RBMS3: variants seen among roughly 807,000 people sequenced by gnomAD.
RBMS3 encodes the protein RNA-binding motif, single-stranded-interacting protein 3.
A neutral mutation model predicts 66.8 loss-of-function variants in RBMS3; 27 were observed. That is an observed-to-expected ratio of 0.40 (90% CI 0.30 to 0.56). The LOEUF (loss-of-function observed/expected upper bound fraction) is 0.56, where lower values mean the gene tolerates loss of function less well. Ranked by LOEUF, RBMS3 falls within the 20% of genes least tolerant of loss-of-function variation. The pLI is 0.40. For synonymous variants in RBMS3, 188 were observed against 183.0 expected, an observed-to-expected ratio of 1.03 and a Z score of -0.22; for missense variants, 513 against 549.5, an observed-to-expected ratio of 0.93 and a Z score of 0.66.
intron 3 of RBMS3, among the ~76,000 whole-genome samples, chr3:29,551,355 A>C (rs1459462501): frequency 6.6e-6 from 1 of 152,220 alleles, no homozygotes; most frequent in African/African-American, 2.4e-5. Context: ...CAGATTACAG[A>C]TAAATTTGTC....
At chr3:29,444,546 T>C (rs955080886) in intron 2 of RBMS3, among the ~76,000 whole-genome samples, 2 of 151,806 alleles carry the variant, frequency 1.3e-5, no homozygotes, top group African/African-American at 4.8e-5. Flanking sequence ...AGTGCAGGAG[T>C]GTGCTATACC....
intron 1 of RBMS3, among the ~76,000 whole-genome samples, chr3:29,350,533 T>G (rs2036847260): frequency 6.6e-6 from 1 of 152,146 alleles, no homozygotes; most frequent in Non-Finnish European, 1.5e-5. Flanking sequence ...GCCCTAAGCA[T>G]CTCATGTATG....
intron 3 of RBMS3, among the ~76,000 whole-genome samples, chr3:29,519,977 A>G (rs928198558): frequency 2.9e-4 from 44 of 152,318 alleles, no homozygotes; most frequent in Admixed American, 3.3e-4. Context: ...TACTTGTTTC[A>G]TATAAGTATT....
At chr3:29,534,083 TGAG>T (rs2045464209) in intron 3 of RBMS3, among the ~76,000 whole-genome samples, 1 of 152,232 alleles carries the variant, frequency 6.6e-6, no homozygotes, top group African/African-American at 2.4e-5. Flanking sequence ...TGTAACTTCA[TGAG>T]TAAAGTTTCC....
At chr3:29,955,573 AC>A (rs1190784852) in intron 12 of RBMS3, among the ~76,000 whole-genome samples, 1 of 151,940 alleles carries the variant, frequency 6.6e-6, no homozygotes, top group Non-Finnish European at 1.5e-5. Flanking sequence ...ATTCCACTGG[AC>A]CCGTGAAACA....
In RBMS3 at chr3:30,006,505, T is replaced by C. The variant is rs888526962; in HGVS notation, c.*2643T>C. 2.0e-5 allele frequency: 3 copies of C among 151,972 alleles called. No homozygotes were observed. The highest frequency in any genetic ancestry group is 7.2e-5 in the African/African-American group (3 of 41,428). The allele number at this position is 151,972 out of a possible 1,614,324, so 9.4% of individuals were successfully genotyped here. A position where few individuals can be genotyped will look rare whatever the true frequency, so the allele number is the denominator to read the frequency against. The stretch of plus-strand genomic sequence containing the variant: ...TAGAGAAAATGCTAGATTTATACTG[T>C]CTTTTGTTCCATCCTTCAGCTTCCC... On this transcript the variant is annotated 3_prime_UTR_variant, in exon 15 of 15. Transcript: ENST00000383767.
rs74754051 is a variant in RBMS3, at chr3:29,628,820, A to G, written c.399+41615A>G. Among the ~76,000 whole-genome samples, 437 of 152,278 alleles carry G rather than the reference A, an allele frequency of 2.9e-3. 4 individuals are homozygous for G. Among genetic ancestry groups the G allele is most frequent in the African/African-American group, 0.01 (417 of 41,568 alleles). On this transcript the variant is annotated intron_variant, in intron 4 of 14. Transcript: ENST00000383767. ...TTTGTGTGCTCATAAAAAGGAAAGCATAAGCAAATTAAGGTAAATCATTCT... is the reference window on the plus strand; with the variant it reads ...TTTGTGTGCTCATAAAAAGGAAAGCGTAAGCAAATTAAGGTAAATCATTCT...
intron 7 of RBMS3, among the ~76,000 whole-genome samples, chr3:29,877,679 T>G (rs556789921): frequency 3.9e-4 from 60 of 152,286 alleles, no homozygotes; most frequent in African/African-American, 1.4e-3. Context: ...AGATAACTAC[T>G]GTACAGGGTT....
chr3:29,742,196 T>C (rs1297554580), intron 5 of RBMS3, among the ~76,000 whole-genome samples: 1 of 152,230 alleles, frequency 6.6e-6, no homozygotes, highest in Non-Finnish European at 1.5e-5. Flanking sequence ...TATGAGATCA[T>C]GAAAGAATAA....
At chr3:29,928,032 C>T (rs867219118) in intron 10 of RBMS3, among the ~76,000 whole-genome samples, 1 of 151,780 alleles carries the variant, frequency 6.6e-6, no homozygotes, top group Admixed American at 6.6e-5. Flanking sequence ...CTTAACAGTA[C>T]CAGTGTCTTA....
chr3:29,679,903 C>T (rs1325141398), intron 4 of RBMS3, among the ~76,000 whole-genome samples: 1 of 150,980 alleles, frequency 6.6e-6, no homozygotes, highest in Non-Finnish European at 1.5e-5. Context: ...CTTGTTTTAG[C>T]ATGCCTGTCT....
At position 29,899,711 on chromosome 3, in the gene RBMS3, A is replaced by T. The variant is rs2060207408; in HGVS notation, c.895A>T (p.Ser299Cys). The change falls in exon 10 of 15, where the codon AGT becomes TGT. Residue 299 changes from serine to cysteine, a missense_variant. Coordinates refer to ENST00000383767, the MANE Select transcript of RBMS3 (RefSeq NM_001003793.3). ...AATGCTGTTTGATGCATAGGTCCAG[A>T]GTACTTCATGGATGCCTCATCCGCC... ...ASPVSTYQVQ[S>C]TSWMPHPPYV... 2 of 1,610,370 alleles carry T rather than the reference A, an allele frequency of 1.2e-6. No individual in the cohort carries two copies. Among genetic ancestry groups the T allele is most frequent in the Non-Finnish European group, 1.7e-6 (2 of 1,177,908 alleles).
At position 29,368,966 on chromosome 3, in the gene RBMS3, G is replaced by A. The variant is rs572239474; in HGVS notation, c.76-65777G>A. 2.0e-5 allele frequency among the ~76,000 whole-genome samples: 3 copies of A among 152,266 alleles called. No homozygotes were observed. In the South Asian group the frequency reaches 6.2e-4, roughly 32 times the overall value. Reference sequence around the variant, plus strand: ...GAATATGTGGTACATATACATCATGGAGTACTGTGCAGGCATAAAAAAAGA... The same window carrying A: ...GAATATGTGGTACATATACATCATGAAGTACTGTGCAGGCATAAAAAAAGA... On this transcript the variant is annotated intron_variant, in intron 1 of 14. Coordinates refer to ENST00000383767, the MANE Select transcript of RBMS3 (RefSeq NM_001003793.3).
chr3:29,758,709 T>C (rs2055532713), intron 5 of RBMS3, among the ~76,000 whole-genome samples: 1 of 152,180 alleles, frequency 6.6e-6, no homozygotes, highest in Non-Finnish European at 1.5e-5. Flanking sequence ...TGGAACTCAC[T>C]ATTTTATTCC....
intron 3 of RBMS3, among the ~76,000 whole-genome samples, chr3:29,537,822 C>CAAAAAAAA (rs1195812359): frequency 1.4e-5 from 1 of 70,806 alleles, no homozygotes. Flanking sequence ...GACTCCACCT[C>CAAAAAAAA]AAAAAAAAAA....
At chr3:29,283,541 G>A (rs567310892) in intron 1 of RBMS3, among the ~76,000 whole-genome samples, 1 of 152,142 alleles carries the variant, frequency 6.6e-6, no homozygotes, top group Non-Finnish European at 1.5e-5. Context: ...TGAAAAATAG[G>A]GAGATTGTAG....
intron 2 of RBMS3, among the ~76,000 whole-genome samples, chr3:29,472,134 C>T (rs1343794012): frequency 6.6e-6 from 1 of 151,800 alleles, no homozygotes; most frequent in Non-Finnish European, 1.5e-5. Context: ...CAAGTAACCA[C>T]CAGCCAAATC....
chr3:29,742,754 G>A (rs1270754902), intron 5 of RBMS3, among the ~76,000 whole-genome samples: 1 of 152,154 alleles, frequency 6.6e-6, no homozygotes, highest in Non-Finnish European at 1.5e-5. Context: ...TTGGATGGAT[G>A]ACTAGATATG....
At chr3:29,715,658 G>GT (rs1451904916) in intron 4 of RBMS3, among the ~76,000 whole-genome samples, 1 of 152,058 alleles carries the variant, frequency 6.6e-6, no homozygotes, top group Non-Finnish European at 1.5e-5. Context: ...ATGAATGGCT[G>GT]TTTTTCTGAT....
Sources: gnomAD v4.1 joint callset for allele counts (sites outside exome capture counted in the v4.1 genomes callset) on GRCh38, gnomAD v4.1.1 for gene constraint, MANE v1.5 for transcripts, NCBI Gene and HGNC (gene_info 2026-07-23, HGNC 2026-07-21) for gene names.